CADPS: variants seen among roughly 807,000 people sequenced by gnomAD.
The protein encoded by CADPS is calcium-dependent secretion activator 1.
Under a neutral mutation model 167.3 loss-of-function variants are expected in CADPS, and 57 were observed. The ratio of observed to expected loss-of-function variants is 0.34; its 90% CI spans 0.28 to 0.42. CADPS has a LOEUF of 0.42. Among genes scored for constraint, CADPS ranks in the 20% least tolerant of loss-of-function variants. The probability of loss-of-function intolerance (pLI) is 1.00; values close to 1 mark genes in which losing one functional copy is unlikely to be tolerated. For synonymous variants in CADPS, 676 were observed against 635.3 expected, an observed-to-expected ratio of 1.06 and a Z score of -0.96; for missense variants, 1,414 against 1,738.1, an observed-to-expected ratio of 0.81 and a Z score of 3.32.
intron 28 of CADPS, among the ~76,000 whole-genome samples, chr3:62,419,919 C>T (rs1425093407): frequency 6.6e-6 from 1 of 152,164 alleles, no homozygotes; most frequent in Non-Finnish European, 1.5e-5. Context: ...AATTTGCACA[C>T]ATTAAACTTT....
At chr3:62,640,841 G>A (rs2067264214) in intron 6 of CADPS, among the ~76,000 whole-genome samples, 1 of 152,046 alleles carries the variant, frequency 6.6e-6, no homozygotes, top group Admixed American at 6.6e-5. Flanking sequence ...TTGGGGCATG[G>A]TTATTACAGA....
In CADPS at chr3:62,855,091, A is replaced by ATT. The variant is rs554197608; in HGVS notation, c.441+19496_441+19497dup. ...AGGCACGTGCCATCATGCCCGGCTA[A>ATT]TTTTTTTTTTTTTTTTTTGTCTTTT... On this transcript the variant is annotated intron_variant, in intron 1 of 29. Coordinates refer to ENST00000383710, the MANE Select transcript of CADPS (RefSeq NM_003716.4). Among the ~76,000 whole-genome samples the ATT allele has an allele frequency of 7.4e-4, 69 of 92,712 alleles. 2 individuals carry two copies. The highest frequency in any genetic ancestry group is 9.0e-4 in the Non-Finnish European group (41 of 45,534). 60.8% of individuals were successfully genotyped at this position (92,712 alleles called of 152,430 possible). A position where few individuals can be genotyped will look rare whatever the true frequency, so the allele number is the denominator to read the frequency against.
intron 6 of CADPS, among the ~76,000 whole-genome samples, chr3:62,608,282 T>C (rs1226011024): frequency 6.6e-6 from 1 of 151,474 alleles, no homozygotes; most frequent in Admixed American, 6.6e-5. Context: ...TGTTTGTTGT[T>C]GTTGCTTTTT....
chr3:62,727,833 C>T (rs1018070593), intron 3 of CADPS, among the ~76,000 whole-genome samples: 3 of 151,828 alleles, frequency 2.0e-5, no homozygotes, highest in Admixed American at 6.6e-5. Flanking sequence ...AAATACTTAG[C>T]TCACTTATAC....
chr3:62,548,451 T>C (rs2076841113), intron 11 of CADPS, among the ~76,000 whole-genome samples: 1 of 152,220 alleles, frequency 6.6e-6, no homozygotes, highest in African/African-American at 2.4e-5. Context: ...CACAAGGGCA[T>C]GCATCACCAT....
intron 8 of CADPS, among the ~76,000 whole-genome samples, chr3:62,575,340 G>A (rs1161032590): frequency 6.6e-6 from 1 of 152,140 alleles, no homozygotes; most frequent in African/African-American, 2.4e-5. Flanking sequence ...CACTCATCTG[G>A]AAGAGTTAAG....
chr3:62,469,721 G>C, intron 24 of CADPS: 1 of 171,144 alleles, frequency 5.8e-6, no homozygotes, highest in South Asian at 1.0e-4. Context: ...CGTTGGCCAA[G>C]GTGGTCCCGA....
At chr3:62,555,635 G>A (rs2152316699) in intron 10 of CADPS, among the ~76,000 whole-genome samples, 1 of 152,276 alleles carries the variant, frequency 6.6e-6, no homozygotes, top group Non-Finnish European at 1.5e-5. Flanking sequence ...TGGGGGGAAA[G>A]GAAAATGAAC....
chr3:62,786,341 G>C (rs115385031), intron 1 of CADPS, among the ~76,000 whole-genome samples: 12 of 151,996 alleles, frequency 7.9e-5, no homozygotes, highest in Non-Finnish European at 2.9e-5. Flanking sequence ...TGTGATGTGA[G>C]GATGTACCCA....
intron 17 of CADPS, among the ~76,000 whole-genome samples, chr3:62,507,491 T>C (rs1210023796): frequency 1.3e-5 from 2 of 152,118 alleles, no homozygotes; most frequent in Non-Finnish European, 2.9e-5. Flanking sequence ...GTGTCTGGCA[T>C]AGCTCCTGGA....
chr3:62,859,263 G>T (rs1268585003), intron 1 of CADPS, among the ~76,000 whole-genome samples: 1 of 152,004 alleles, frequency 6.6e-6, no homozygotes, highest in Non-Finnish European at 1.5e-5. Flanking sequence ...TATTAATTTG[G>T]TCTAATATTT....
rs771938736 is a variant in CADPS at position 62,874,549 on chromosome 3, C to A, written c.441+40G>T. On this transcript the variant is annotated intron_variant, in intron 1 of 29. Transcript: ENST00000383710. This position sits in a 1 kb window ranked among gnomAD's most constrained non-coding sequence, Gnocchi z 7.1. ...ATTGTTCACCCCGCCCGCCTGGCGA[C>A]GTCCGGGTGCTGCTCCCTGGGCCTC... 4 of 1,474,166 alleles carry A rather than the reference C, an allele frequency of 2.7e-6. No individual in the cohort carries two copies. The highest frequency in any genetic ancestry group is 2.5e-5 in the South Asian group (2 of 81,214). The allele number at this position is 1,474,166 out of a possible 1,614,324, so 91.3% of individuals were successfully genotyped here. A position where few individuals can be genotyped will look rare whatever the true frequency, so the allele number is the denominator to read the frequency against.
At chr3:62,513,530 T>C in intron 16 of CADPS, 1 of 720,408 alleles carries the variant, frequency 1.4e-6, no homozygotes. Context: ...AAGCCAATGC[T>C]AAAAAACTTG....
chr3:62,510,898 C>CA (rs746270313), intron 17 of CADPS, among the ~76,000 whole-genome samples: 2 of 152,100 alleles, frequency 1.3e-5, no homozygotes, highest in African/African-American at 2.4e-5. Context: ...ATTAAGATTG[C>CA]AATTGAGACC....
chr3:62,680,127 G>A (rs1345824803), intron 3 of CADPS, among the ~76,000 whole-genome samples: 4 of 151,972 alleles, frequency 2.6e-5, no homozygotes, highest in African/African-American at 9.7e-5. Context: ...GGAAGACGGA[G>A]AGTAGGCAAG....
chr3:62,855,546 C>G (rs2079514261), intron 1 of CADPS, among the ~76,000 whole-genome samples: 1 of 152,028 alleles, frequency 6.6e-6, no homozygotes, highest in African/African-American at 2.4e-5. Flanking sequence ...AAATGATTAT[C>G]AGGAAGCACC....
chr3:62,580,484 C>T (rs1288550729), intron 8 of CADPS, among the ~76,000 whole-genome samples: 1 of 151,378 alleles, frequency 6.6e-6, no homozygotes, highest in Non-Finnish European at 1.5e-5. Flanking sequence ...ATACCTAATG[C>T]TAAATGACGA....
chr3:62,868,306 C>G (rs550302474), intron 1 of CADPS, among the ~76,000 whole-genome samples: 4 of 152,108 alleles, frequency 2.6e-5, no homozygotes, highest in African/African-American at 9.6e-5. Flanking sequence ...ATGGTGTTGG[C>G]AAGAACCAGA....
chr3:62,644,406 C>T (rs1409362404), intron 6 of CADPS, among the ~76,000 whole-genome samples: 1 of 152,172 alleles, frequency 6.6e-6, no homozygotes, highest in Non-Finnish European at 1.5e-5. Context: ...TGAGAGTCTA[C>T]TGACCCTAAT....
Sources: gnomAD v4.1 joint callset for allele counts (sites outside exome capture counted in the v4.1 genomes callset) on GRCh38, gnomAD v4.1.1 for gene constraint, Gnocchi (gnomAD v3.1) non-coding constraint, MANE v1.5 for transcripts, NCBI Gene and HGNC (gene_info 2026-07-23, HGNC 2026-07-21) for gene names.